The following BCAT1 variants were observed in gnomAD, a reference collection of about 807,000 sequenced individuals.
BCAT1 encodes the protein branched chain amino acid transaminase 1.
In BCAT1, 48 loss-of-function variants were observed where a neutral mutation model predicts 52.4. That is an observed-to-expected ratio of 0.92 (90% confidence interval 0.73 to 1.16). The LOEUF is 1.16. Ranked by LOEUF, BCAT1 falls within the 50% of genes most tolerant of loss-of-function variation. The pLI is 0.00. For synonymous variants in BCAT1, 167 were observed against 161.3 expected, an observed-to-expected ratio of 1.04 and a Z score of -0.27; for missense variants, 451 against 457.1, an observed-to-expected ratio of 0.99 and a Z score of 0.12.
chr12:24,831,691 C>T (rs1024570714), intron 9 of BCAT1, among the ~76,000 whole-genome samples: 2 of 152,218 alleles, frequency 1.3e-5, no homozygotes, highest in African/African-American at 4.8e-5. Context: ...GATTTTTCAA[C>T]TGCATGGGGG....
chr12:24,882,864 G>A (rs1012158307), intron 3 of BCAT1, among the ~76,000 whole-genome samples: 21 of 151,970 alleles, frequency 1.4e-4, no homozygotes, highest in Non-Finnish European at 2.8e-4. Context: ...GCCTCCCAAA[G>A]TGCTGGGATT....
intron 1 of BCAT1, among the ~76,000 whole-genome samples, chr12:24,919,048 C>T (rs1038187465): frequency 6.6e-6 from 1 of 152,124 alleles, no homozygotes; most frequent in Non-Finnish European, 1.5e-5. Context: ...TATTAATCTA[C>T]CATGTTTTTG....
At chr12:24,916,937 G>C (rs943318237) in intron 1 of BCAT1, among the ~76,000 whole-genome samples, 2 of 152,134 alleles carry the variant, frequency 1.3e-5, no homozygotes, top group African/African-American at 2.4e-5. Flanking sequence ...CAGGTAGAAA[G>C]AAAGGTAAAT....
intron 3 of BCAT1, among the ~76,000 whole-genome samples, chr12:24,887,843 A>C (rs1942728616): frequency 6.6e-6 from 1 of 152,190 alleles, no homozygotes. Flanking sequence ...TGAAACCTTC[A>C]AATATTATCA....
intron 1 of BCAT1, among the ~76,000 whole-genome samples, chr12:24,928,498 G>C (rs1043436804): frequency 1.3e-5 from 2 of 151,916 alleles, no homozygotes; most frequent in African/African-American, 4.8e-5. Context: ...AAATTAGCCG[G>C]GTGTGGTGGC....
chr12:24,842,404 T>C (rs1372261284), intron 6 of BCAT1, among the ~76,000 whole-genome samples, 180 bp from the exon 7 acceptor site: 2 of 152,092 alleles, frequency 1.3e-5, no homozygotes, highest in Non-Finnish European at 2.9e-5. Context: ...CATTAGAAAA[T>C]CTAAGTGATT....
intron 10 of BCAT1, among the ~76,000 whole-genome samples, chr12:24,828,316 T>G (rs1330104581): frequency 6.6e-6 from 1 of 152,222 alleles, no homozygotes; most frequent in African/African-American, 2.4e-5. Context: ...CTTTTCTGAG[T>G]AGCCCAGTGT....
At chr12:24,824,212 CA>C (rs1206708349) in intron 10 of BCAT1, among the ~76,000 whole-genome samples, 1 of 144,454 alleles carries the variant, frequency 6.9e-6, no homozygotes, top group African/African-American at 2.6e-5. Flanking sequence ...CCTTTACAGC[CA>C]AATCAAATGA....
At chr12:24,877,639 C>T (rs988323740) in intron 5 of BCAT1, among the ~76,000 whole-genome samples, 10 of 152,184 alleles carry the variant, frequency 6.6e-5, no homozygotes, top group Admixed American at 5.2e-4. Context: ...TCACTCCATG[C>T]CAAGTAATCC....
chr12:24,825,410 A>G (rs924856342), intron 10 of BCAT1, among the ~76,000 whole-genome samples: 1 of 151,364 alleles, frequency 6.6e-6, no homozygotes, highest in Admixed American at 6.6e-5. Flanking sequence ...ATTTCAACCA[A>G]CAATATATGA....
chr12:24,900,954 T>C (rs1031317675), intron 2 of BCAT1, among the ~76,000 whole-genome samples: 1 of 152,190 alleles, frequency 6.6e-6, no homozygotes, highest in Non-Finnish European at 1.5e-5. Context: ...GAAATTGCAA[T>C]ATTCTAATTT....
chr12:24,887,985 A>G (rs1286034286), intron 3 of BCAT1, among the ~76,000 whole-genome samples: 1 of 152,240 alleles, frequency 6.6e-6, no homozygotes, highest in Non-Finnish European at 1.5e-5. Context: ...ATGTTCAAGG[A>G]TATTACTCCT....
intron 7 of BCAT1, among the ~76,000 whole-genome samples, chr12:24,841,592 A>T (rs371956667): frequency 5.3e-5 from 8 of 152,052 alleles, no homozygotes; most frequent in African/African-American, 1.7e-4. Flanking sequence ...AAAACAAAAA[A>T]CCTCTAGAGC....
At chr12:24,926,421 G>A (rs1565501784) in intron 1 of BCAT1, among the ~76,000 whole-genome samples, 2 of 152,142 alleles carry the variant, frequency 1.3e-5, no homozygotes, top group Admixed American at 6.5e-5. Context: ...GGGAAGTGAG[G>A]AGCCCCTCTG....
chr12:24,860,331 C>T (rs1941819922), intron 5 of BCAT1, among the ~76,000 whole-genome samples: 1 of 152,140 alleles, frequency 6.6e-6, no homozygotes, highest in African/African-American at 2.4e-5. Flanking sequence ...ACAAAATAAC[C>T]TTCTAGTGAC....
intron 1 of BCAT1, 66 bp from the exon 2 acceptor site, chr12:24,901,951 C>CCCGGG: frequency 6.2e-7 from 1 of 1,612,760 alleles, no homozygotes; most frequent in Non-Finnish European, 8.5e-7. Flanking sequence ...GGGTAACCTA[C>CCCGGG]GTGACGCTCA....
chr12:24,931,408 G>A (rs1943673740), intron 1 of BCAT1, among the ~76,000 whole-genome samples: 1 of 151,964 alleles, frequency 6.6e-6, no homozygotes, highest in African/African-American at 2.4e-5. Context: ...GAGAAAAGAG[G>A]GAAAGCAGAG....
chr12:24,942,469 G>A (rs963415722), intron 1 of BCAT1, among the ~76,000 whole-genome samples: 4 of 151,822 alleles, frequency 2.6e-5, no homozygotes, highest in Admixed American at 2.6e-4. Flanking sequence ...GCTTGAACCC[G>A]GGAGGCAGAG....
intron 8 of BCAT1, among the ~76,000 whole-genome samples, chr12:24,835,513 A>G (rs1419901959): frequency 6.6e-6 from 1 of 152,104 alleles, no homozygotes; most frequent in East Asian, 1.9e-4. Flanking sequence ...TCTTGAATAC[A>G]TTACGTCATT....
Sources: gnomAD v4.1 joint callset for allele counts (sites outside exome capture counted in the v4.1 genomes callset) on GRCh38, gnomAD v4.1.1 for gene constraint, MANE v1.5 for transcripts, NCBI Gene and HGNC (gene_info 2026-07-23, HGNC 2026-07-21) for gene names.